The following NUDT4 variants were observed in gnomAD, a reference collection of about 807,000 sequenced individuals.
NUDT4 encodes the protein diphosphoinositol polyphosphate phosphohydrolase 2.
Under a neutral mutation model 23.1 loss-of-function variants are expected in NUDT4, and 5 were observed. The ratio of observed to expected loss-of-function variants is 0.22; its 90% CI spans 0.11 to 0.46. NUDT4 has a LOEUF of 0.46. Ranked by LOEUF, NUDT4 falls within the 20% of genes least tolerant of loss-of-function variation. The pLI is 0.99. For synonymous variants in NUDT4, 50 were observed against 79.0 expected, an observed-to-expected ratio of 0.63 and a Z score of 1.95; for missense variants, 96 against 211.6, an observed-to-expected ratio of 0.45 and a Z score of 3.39.
At position 93,377,949 on chromosome 12, in the gene NUDT4, T is replaced by G. The variant is rs972515379; in HGVS notation, c.-374T>G. On this transcript the variant is annotated 5_prime_UTR_variant, in exon 1 of 5. Transcript: ENST00000415493. ...CGGTCGCCGCGGTGCTGCTGCTCAG[T>G]GGGAGCGGGTCTTCGCAACTGTCTC... The G allele has an allele frequency of 1.0e-5, 3 of 288,150 alleles. No individual in the cohort carries two copies. The highest frequency in any genetic ancestry group is 4.6e-5 in the African/African-American group (2 of 43,602). 17.8% of individuals were successfully genotyped at this position (288,150 alleles called of 1,614,324 possible).
intron 1 of NUDT4, among the ~76,000 whole-genome samples, chr12:93,393,545 A>C (rs1031899911): frequency 1.3e-5 from 2 of 152,158 alleles, no homozygotes; most frequent in African/African-American, 4.8e-5. Context: ...AAACAACCAG[A>C]CAATATGTAA....
Position 93,404,022 on chromosome 12 carries a change from T to G in NUDT4, c.*4643T>G, listed in dbSNP as rs1877652698. On this transcript the variant is annotated 3_prime_UTR_variant, in exon 5 of 5. Coordinates refer to ENST00000415493, the MANE Select transcript of NUDT4 (RefSeq NM_019094.6). ...TACTCTTAATGCATTTTTGTAACAT[T>G]TGACAAACATCTCCCAATATGTAGA... 6.6e-6 allele frequency: 1 copy of G among 152,212 alleles called. No homozygotes were observed. Among genetic ancestry groups the G allele is most frequent in the Non-Finnish European group, 1.5e-5 (1 of 68,040 alleles). 9.4% of individuals were successfully genotyped at this position (152,212 alleles called of 1,614,324 possible).
intron 1 of NUDT4, chr12:93,378,632 C>T (rs1875390590): frequency 8.3e-7 from 1 of 1,210,710 alleles, no homozygotes; most frequent in Non-Finnish European, 1.0e-6. Context: ...GCTCGCCCAG[C>T]CCCAGTTTCT....
chr12:93,393,111 C>T (rs1284605617), intron 1 of NUDT4, among the ~76,000 whole-genome samples: 6 of 135,522 alleles, frequency 4.4e-5, no homozygotes, highest in Admixed American at 7.4e-5. Flanking sequence ...TTTTTTTTCC[C>T]CGAGATGGAG....
chr12:93,399,053 T>G, intron 4 of NUDT4, 124 bp from the exon 5 acceptor site: 1 of 747,000 alleles, frequency 1.3e-6, no homozygotes, highest in Non-Finnish European at 2.3e-6. Context: ...AGATGCATAT[T>G]CATCTTAATT....
intron 1 of NUDT4, among the ~76,000 whole-genome samples, chr12:93,384,695 C>G (rs889422339): frequency 6.6e-6 from 1 of 152,168 alleles, no homozygotes; most frequent in South Asian, 2.1e-4. Flanking sequence ...TGCAATAGAT[C>G]ATTCTAATTC....
rs186594582 is a variant in NUDT4 at position 93,404,815 on chromosome 12, G to A, written c.*5436G>A. ...AAAAAATGTTTTGGGAAATAGACAT[G>A]AGCAGGGCAGAGAACTACAACCTAC... On this transcript the variant is annotated 3_prime_UTR_variant, in exon 5 of 5. Coordinates refer to ENST00000415493, the MANE Select transcript of NUDT4 (RefSeq NM_019094.6). 1 of 152,126 alleles carries A rather than the reference G, an allele frequency of 6.6e-6. No homozygotes were observed. Among genetic ancestry groups the A allele is most frequent in the East Asian group, 1.9e-4 (1 of 5,188 alleles). 9.4% of individuals were successfully genotyped at this position (152,126 alleles called of 1,614,324 possible).
chr12:93,388,584 T>C (rs1876268695), intron 1 of NUDT4, among the ~76,000 whole-genome samples: 1 of 152,238 alleles, frequency 6.6e-6, no homozygotes, highest in South Asian at 2.1e-4. Flanking sequence ...GGCTGAAGAT[T>C]GTAAAGACAA....
At position 93,378,364 on chromosome 12, in the gene NUDT4, C is replaced by T; in HGVS notation, c.42C>T (p.Arg14=). 3 of 1,543,040 alleles carry T rather than the reference C, an allele frequency of 1.9e-6. No homozygotes were observed. The highest frequency in any genetic ancestry group is 2.6e-6 in the Non-Finnish European group (3 of 1,142,494). The change falls in exon 1 of 5, where the codon CGC becomes CGT. Residue 14 remains arginine, a synonymous_variant. Coordinates refer to ENST00000415493, the MANE Select transcript of NUDT4 (RefSeq NM_019094.6). The part of the protein sequence containing the change: ...FKPNQTRTYD[R]EGFKKRAACL... ...CCAACCAGACGCGGACCTACGACCG[C>T]GAGGGCTTCAAGAAGCGGGCGGCGT...
chr12:93,398,200 C>T (rs983902089), intron 3 of NUDT4, among the ~76,000 whole-genome samples: 11 of 151,672 alleles, frequency 7.3e-5, no homozygotes, highest in Admixed American at 5.9e-4. Context: ...ATTAGCCAGG[C>T]GTGGTGGCGT....
chr12:93,399,345 C>T lies in NUDT4; in HGVS notation c.509C>T (p.Ala170Val), dbSNP rs1214201984. 2.1e-6 allele frequency: 2 copies of T among 930,572 alleles called. No homozygotes were observed. The highest frequency in any genetic ancestry group is 2.7e-5 in the South Asian group (2 of 72,802). The allele number at this position is 930,572 out of a possible 1,614,324, so 57.6% of individuals were successfully genotyped here. A position where few individuals can be genotyped will look rare whatever the true frequency, so the allele number is the denominator to read the frequency against. The change falls in exon 5 of 5, where the codon GCA becomes GTA. Residue 170 changes from alanine (A) to valine (V), a missense_variant. Physicochemically the swap from Ala to Val is moderately conservative, Grantham distance 64 (BLOSUM62 0). Coordinates refer to ENST00000415493, the MANE Select transcript of NUDT4 (RefSeq NM_019094.6). ...AATAATGCCTTGTTTGTAACCGCTG[C>T]ACAGACCTCTGGGTTGCCATCTAGT... ...PDNNALFVTA[A>V]QTSGLPSSVR is the part of the protein sequence containing the mutation.
intron 3 of NUDT4, 121 bp from the exon 4 acceptor site, chr12:93,398,650 C>T: frequency 1.6e-6 from 1 of 636,770 alleles, no homozygotes; most frequent in Non-Finnish European, 2.8e-6. Context: ...AATATACTTG[C>T]CTGTGCTGGG....
At chr12:93,383,634 C>G (rs980504990) in intron 1 of NUDT4, among the ~76,000 whole-genome samples, 1 of 152,184 alleles carries the variant, frequency 6.6e-6, no homozygotes, top group Admixed American at 6.5e-5. Context: ...GGGTTCAAGA[C>G]CAGCCTGGGC....
At chr12:93,378,608 A>C (rs749521497) in intron 1 of NUDT4, 187 bp downstream of exon 1, 72 of 1,260,862 alleles carry the variant, frequency 5.7e-5, no homozygotes, top group Non-Finnish European at 7.1e-5. Context: ...GGGCTGATAG[A>C]TGAGACAAAG....
Position 93,395,539 on chromosome 12 carries a change from T to A in NUDT4, c.255+6T>A. On this transcript the variant is annotated splice_donor_region_variant and intron_variant, in intron 3 of 4. Coordinates refer to ENST00000415493, the MANE Select transcript of NUDT4 (RefSeq NM_019094.6). Reference sequence around the variant, plus strand: ...GACTTCTGGGCATATTTGAGGTGAGTTAAAAAGTAATCTTCACTTTGCTGA... The same window carrying A: ...GACTTCTGGGCATATTTGAGGTGAGATAAAAAGTAATCTTCACTTTGCTGA... 1 of 1,596,926 alleles carries A rather than the reference T, an allele frequency of 6.3e-7. No homozygotes were observed. Among genetic ancestry groups the A allele is most frequent in the Non-Finnish European group, 8.6e-7 (1 of 1,164,634 alleles).
chr12:93,389,318 C>A (rs57989202), intron 1 of NUDT4, among the ~76,000 whole-genome samples: 4,605 of 151,974 alleles, frequency 0.03, 232 homozygotes, highest in African/African-American at 0.1. Flanking sequence ...ACTAAAAATA[C>A]AAAATTAGCT....
chr12:93,378,342 A>G lies in NUDT4; in HGVS notation c.20A>G (p.Asn7Ser), dbSNP rs1875353868. Reference sequence around the variant, plus strand: ...GCCTCTATGATGAAGTTCAAGCCCAACCAGACGCGGACCTACGACCGCGAG... The same window carrying G: ...GCCTCTATGATGAAGTTCAAGCCCAGCCAGACGCGGACCTACGACCGCGAG... MMKFKP[N>S]QTRTYDREGF... Residue 7 changes from asparagine to serine, a missense_variant, in exon 1 of 5, where the codon AAC becomes AGC. Asn to Ser is a conservative substitution (Grantham distance 46). Coordinates refer to ENST00000415493, the MANE Select transcript of NUDT4 (RefSeq NM_019094.6). The G allele has an allele frequency of 1.2e-5, 18 of 1,506,722 alleles. No individual in the cohort carries two copies. Among genetic ancestry groups the G allele is most frequent in the Admixed American group, 2.0e-5 (1 of 49,034 alleles). 93.3% of individuals were successfully genotyped at this position (1,506,722 alleles called of 1,614,324 possible).
chr12:93,398,281 G>A (rs569379826), intron 3 of NUDT4, among the ~76,000 whole-genome samples: 3 of 150,650 alleles, frequency 2.0e-5, no homozygotes, highest in Admixed American at 6.6e-5. Context: ...CAGAGATTGT[G>A]GGGGAGCTGA....
chr12:93,392,090 G>T (rs1876554445), intron 1 of NUDT4, among the ~76,000 whole-genome samples: 1 of 151,794 alleles, frequency 6.6e-6, no homozygotes, highest in African/African-American at 2.4e-5. Flanking sequence ...CACCATGTTG[G>T]CCAGGTTGGT....
Sources: gnomAD v4.1 joint callset for allele counts (sites outside exome capture counted in the v4.1 genomes callset) on GRCh38, gnomAD v4.1.1 for gene constraint, MANE v1.5 for transcripts, NCBI Gene and HGNC (gene_info 2026-07-23, HGNC 2026-07-21) for gene names.